The following RBPJ variants were observed in gnomAD, a reference collection of about 807,000 sequenced individuals.
The protein encoded by RBPJ is recombination signal binding protein for immunoglobulin kappa J region.
In RBPJ, 9 loss-of-function variants were observed where a neutral mutation model predicts 67.8. The observed-to-expected ratio is 0.13, with a 90% CI of 0.08 to 0.23. The LOEUF (loss-of-function observed/expected upper bound fraction) is 0.23. RBPJ is among the 10% of genes least tolerant of loss of function. The pLI is 1.00. For missense variants in RBPJ, 305 were observed against 595.6 expected (o/e 0.51, Z 5.08); for synonymous variants, 198 against 203.3 (o/e 0.97, Z 0.22).
At chr4:26,260,267 C>T (rs529553821) in intron 1 of RBPJ, among the ~76,000 whole-genome samples, 1 of 152,264 alleles carries the variant, frequency 6.6e-6, no homozygotes, top group South Asian at 2.1e-4. Context: ...TATCTTGTTT[C>T]ATGTACTAAT....
intron 1 of RBPJ, among the ~76,000 whole-genome samples, chr4:26,285,108 G>C (rs1345865141): frequency 6.6e-6 from 1 of 152,038 alleles, no homozygotes; most frequent in South Asian, 2.1e-4. Context: ...GCCCACCTCG[G>C]CCTCCCAAAG....
chr4:26,246,018 C>T (rs1264485682), intron 1 of RBPJ, among the ~76,000 whole-genome samples: 1 of 152,156 alleles, frequency 6.6e-6, no homozygotes, highest in Non-Finnish European at 1.5e-5. Context: ...ACTTGTTCTT[C>T]TTTAAAAGAT....
intron 1 of RBPJ, among the ~76,000 whole-genome samples, chr4:26,202,970 T>TAAGGAAGGAAGG (rs145254724): frequency 0.017 from 2,353 of 138,570 alleles, 36 homozygotes; most frequent in African/African-American, 0.034. Context: ...AGGAAGGAAA[T>TAAGGAAGGAAGG]AAGGAAGGAA....
chr4:26,213,387 G>T (rs1010778879), intron 1 of RBPJ, among the ~76,000 whole-genome samples: 2 of 151,850 alleles, frequency 1.3e-5, no homozygotes, highest in Non-Finnish European at 2.9e-5. Flanking sequence ...CTGTTGTTTG[G>T]GTTTTTTTTC....
At chr4:26,417,526 G>A (rs141325705) in intron 4 of RBPJ, among the ~76,000 whole-genome samples, 161 of 152,198 alleles carry the variant, frequency 1.1e-3, no homozygotes, top group Admixed American at 1.8e-3. Flanking sequence ...TACAATGTCT[G>A]TAAGCCAAAA....
chr4:26,251,600 T>A (rs907640717), intron 1 of RBPJ, among the ~76,000 whole-genome samples: 1 of 140,130 alleles, frequency 7.1e-6, no homozygotes, highest in South Asian at 2.2e-4. Flanking sequence ...ATCATGCCAC[T>A]GCACATGAGC....
chr4:26,423,806 CAGAGGCATTTACCATCAACTCTGA>C (rs2109816866), intron 5 of RBPJ, among the ~76,000 whole-genome samples: 1 of 152,286 alleles, frequency 6.6e-6, no homozygotes, highest in Admixed American at 6.5e-5. Context: ...TCACAGTATG[CAGAGGCATTTACCATCAACTCTGA>C]CAAACATCCT....
At chr4:26,416,607 G>A (rs1043991691) in intron 4 of RBPJ, among the ~76,000 whole-genome samples, 7 of 152,148 alleles carry the variant, frequency 4.6e-5, no homozygotes, top group African/African-American at 1.7e-4. Flanking sequence ...CCTTGCTACT[G>A]TACTTTGGAA....
rs1485126732 is a variant in RBPJ, at chr4:26,345,388, G to C, written c.20+24340G>C. Among the ~76,000 whole-genome samples, 3 of 152,186 alleles carry C rather than the reference G, an allele frequency of 2.0e-5. No homozygotes were observed. In the East Asian group the frequency reaches 5.8e-4, roughly 29 times the overall value. ...TTGTCATAGATAGCTGTAGTCACTA[G>C]GGAAGTAGAAATATTATTTCCAGCA... On this transcript the variant is annotated intron_variant, in intron 1 of 10. Transcript: ENST00000355476.
intron 1 of RBPJ, among the ~76,000 whole-genome samples, chr4:26,285,143 C>T (rs546362472): frequency 6.6e-6 from 1 of 152,300 alleles, no homozygotes; most frequent in Non-Finnish European, 1.5e-5. Flanking sequence ...GTGTGAGCCA[C>T]CACACCCGGC....
the RBPJ span, among the ~76,000 whole-genome samples, chr4:26,106,578 C>T: frequency 2.6e-5 from 4 of 152,214 alleles, no homozygotes; most frequent in South Asian, 2.1e-4. Context: ...TTCTAGAGCA[C>T]GCAGCTTTTG....
intron 3 of RBPJ, among the ~76,000 whole-genome samples, chr4:26,407,820 A>G (rs1733589663): frequency 6.6e-6 from 1 of 151,472 alleles, no homozygotes; most frequent in Non-Finnish European, 1.5e-5. Context: ...TTAAAAGAGA[A>G]TTTTTAGGAA....
the RBPJ span, among the ~76,000 whole-genome samples, chr4:26,121,442 T>A: frequency 6.6e-6 from 1 of 152,120 alleles, no homozygotes; most frequent in Admixed American, 6.5e-5. Flanking sequence ...TATCCCCATT[T>A]TAGAGAAGAG....
intron 1 of RBPJ, among the ~76,000 whole-genome samples, chr4:26,172,171 G>A (rs984588439): frequency 2.0e-5 from 3 of 152,180 alleles, no homozygotes; most frequent in Non-Finnish European, 4.4e-5. Flanking sequence ...GTGGTAGCTC[G>A]TGATATATAC....
rs989686048 is a variant in RBPJ, at chr4:26,269,235, T to A, written c.-166-93211T>A. On this transcript the variant is annotated intron_variant, in intron 1 of 4. Coordinates refer to the RBPJ transcript ENST00000512351. ...TATTTATTTATTTATTTAATTTATT[T>A]TTTATTATTTATTTATTTATTTATT... Among the ~76,000 whole-genome samples the A allele has an allele frequency of 2.0e-5, 3 of 149,700 alleles. No individual in the cohort carries two copies. The East Asian group carries it at 5.8e-4, about 29-fold the overall frequency.
the RBPJ span, among the ~76,000 whole-genome samples, chr4:26,124,412 C>A: frequency 4.0e-5 from 3 of 74,540 alleles, no homozygotes; most frequent in East Asian, 5.5e-4. Context: ...AGTAGTATTC[C>A]ATCATATATA....
intron 1 of RBPJ, among the ~76,000 whole-genome samples, chr4:26,171,807 T>C (rs1466568574): frequency 6.6e-6 from 1 of 152,118 alleles, no homozygotes; most frequent in Non-Finnish European, 1.5e-5. Context: ...CCCACAGAAG[T>C]GCAGTGACTT....
chr4:26,248,490 C>T (rs1370968657), intron 1 of RBPJ, among the ~76,000 whole-genome samples: 1 of 152,084 alleles, frequency 6.6e-6, no homozygotes, highest in Non-Finnish European at 1.5e-5. Context: ...CCAAATAATG[C>T]AGAATAATTG....
chr4:26,402,181 C>G (rs1732898229), intron 2 of RBPJ, among the ~76,000 whole-genome samples: 1 of 152,192 alleles, frequency 6.6e-6, no homozygotes, highest in South Asian at 2.1e-4. Context: ...TGCCACTGCG[C>G]CCAGCCTGCT....
Sources: gnomAD v4.1 joint callset for allele counts (sites outside exome capture counted in the v4.1 genomes callset) on GRCh38, gnomAD v4.1.1 for gene constraint, MANE v1.5 for transcripts, NCBI Gene and HGNC (gene_info 2026-07-23, HGNC 2026-07-21) for gene names.